Variants in THRAP3 observed in about 807,000 individuals in gnomAD.
THRAP3 encodes thyroid hormone receptor associated protein 3, also known as thyroid hormone receptor-associated protein 3.
A neutral mutation model predicts 101.0 loss-of-function variants in THRAP3; 16 were observed. That is an observed-to-expected ratio of 0.16 (90% CI 0.11 to 0.24). The LOEUF (loss-of-function observed/expected upper bound fraction) is 0.24. Ranked by LOEUF, THRAP3 falls within the 10% of genes least tolerant of loss-of-function variation. The pLI, the probability that THRAP3 is intolerant of heterozygous loss-of-function variation, is 1.00. For missense variants in THRAP3, 989 were observed against 1,202.7 expected, an observed-to-expected ratio of 0.82 and a Z score of 2.63; for synonymous variants, 407 against 422.6, an observed-to-expected ratio of 0.96 and a Z score of 0.45.
At chr1:36,240,302 G>A (rs1234599205) in intron 1 of THRAP3, among the ~76,000 whole-genome samples, 1 of 152,190 alleles carries the variant, frequency 6.6e-6, no homozygotes, top group Non-Finnish European at 1.5e-5. Context: ...CTTAGTTTGA[G>A]GTGAAAGGGC....
chr1:36,293,988 A>AT (rs1266473653), intron 8 of THRAP3, 53 bp downstream of exon 8: 1 of 1,586,726 alleles, frequency 6.3e-7, no homozygotes, highest in African/African-American at 1.3e-5. Flanking sequence ...GTTGGGCATG[A>AT]ACTTGACAGA....
Position 36,246,848 on chromosome 1 carries a change from A to AT in THRAP3, c.-134-12533dup, listed in dbSNP as rs1230943915. On this transcript the variant is annotated intron_variant, in intron 1 of 11. Coordinates refer to ENST00000354618, the MANE Select transcript of THRAP3 (RefSeq NM_005119.4). ...CAGAGTGAGACTCTGTCTCAAATAA[A>AT]TAAATAAATAAATAAATAAAATTAC... Among the ~76,000 whole-genome samples, 3 of 150,594 alleles carry AT rather than the reference A, an allele frequency of 2.0e-5. No individual in the cohort carries two copies. In the East Asian group the frequency reaches 6.2e-4, roughly 31 times the overall value.
At chr1:36,216,529 T>C in the THRAP3 span, among the ~76,000 whole-genome samples, 1 of 135,066 alleles carries the variant, frequency 7.4e-6, no homozygotes, top group Non-Finnish European at 1.5e-5. Flanking sequence ...ATGCCGGGTG[T>C]GGTGGCTCAC....
chr1:36,235,352 A>G (rs1385384954), intron 1 of THRAP3, among the ~76,000 whole-genome samples: 1 of 152,194 alleles, frequency 6.6e-6, no homozygotes, highest in Non-Finnish European at 1.5e-5. Flanking sequence ...TAAGAAGTTA[A>G]GTCTGAAAAG....
In THRAP3 at chr1:36,282,521, T is replaced by C; in HGVS notation, c.-31-12T>C. On this transcript the variant is annotated splice_polypyrimidine_tract_variant and intron_variant, in intron 2 of 11. Transcript: ENST00000354618. ...ACTCACTCATTTGTTCTAATGCATT[T>C]TCTTACATTAGGTGTAATTGAAAAG... 1.9e-6 allele frequency: 3 copies of C among 1,591,058 alleles called. No individual in the cohort carries two copies. Among genetic ancestry groups the C allele is most frequent in the Non-Finnish European group, 2.6e-6 (3 of 1,163,568 alleles).
intron 11 of THRAP3, among the ~76,000 whole-genome samples, chr1:36,303,479 C>G (rs1398159503): frequency 1.3e-5 from 2 of 152,138 alleles, no homozygotes; most frequent in Non-Finnish European, 2.9e-5. Flanking sequence ...AAATGTCTTA[C>G]TTCAGTGCTC....
chr1:36,240,893 C>G lies in THRAP3; in HGVS notation c.-135+16388C>G, dbSNP rs552386803. On this transcript the variant is annotated intron_variant, in intron 1 of 11. Transcript: ENST00000354618. ...GCAAAATAGGTAAAGTGTGCCATTTCTGTTTTTTCCTTCTTAAGATTTTTA... is the reference window on the plus strand; with the variant it reads ...GCAAAATAGGTAAAGTGTGCCATTTGTGTTTTTTCCTTCTTAAGATTTTTA... Among the ~76,000 whole-genome samples the G allele has an allele frequency of 4.6e-5, 7 of 152,216 alleles. No homozygotes were observed. The East Asian group carries it at 1.2e-3, about 25-fold the overall frequency.
chr1:36,278,399 A>AT (rs1351046344), intron 2 of THRAP3, among the ~76,000 whole-genome samples: 3 of 152,050 alleles, frequency 2.0e-5, no homozygotes, highest in Non-Finnish European at 2.9e-5. Context: ...GTAAGGATAA[A>AT]TTTTTTTAAA....
chr1:36,298,624 G>C (rs1645984561), intron 9 of THRAP3, among the ~76,000 whole-genome samples: 1 of 151,898 alleles, frequency 6.6e-6, no homozygotes, highest in Non-Finnish European at 1.5e-5. Flanking sequence ...CTTCCAACTA[G>C]GCTGAGCTAG....
the THRAP3 span, among the ~76,000 whole-genome samples, chr1:36,219,032 CAAAAAA>C: frequency 6.0e-4 from 39 of 64,710 alleles, no homozygotes; most frequent in African/African-American, 1.4e-3. Context: ...GGCTCCATCT[CAAAAAA>C]AAAAAAAAAA....
chr1:36,275,920 G>A (rs1645653738), intron 2 of THRAP3, among the ~76,000 whole-genome samples: 1 of 152,134 alleles, frequency 6.6e-6, no homozygotes. Context: ...TCAGGAGACT[G>A]GGGTGGGCGG....
At chr1:36,266,944 G>C (rs532888803) in intron 2 of THRAP3, among the ~76,000 whole-genome samples, 1 of 151,712 alleles carries the variant, frequency 6.6e-6, no homozygotes, top group Non-Finnish European at 1.5e-5. Context: ...GCAGTGGCAC[G>C]ATCTTGGCTC....
intron 3 of THRAP3, among the ~76,000 whole-genome samples, chr1:36,283,596 T>C (rs568734075): frequency 6.6e-6 from 1 of 152,014 alleles, no homozygotes; most frequent in African/African-American, 2.4e-5. Context: ...TGATTTGTCA[T>C]GTTTGACACT....
In THRAP3 at chr1:36,285,103, ACT is replaced by A. The variant is rs932828292; in HGVS notation, c.138-1264_138-1263del. Among the ~76,000 whole-genome samples, 48 of 152,202 alleles carry A rather than the reference ACT, an allele frequency of 3.2e-4. 1 individual carries two copies. Among genetic ancestry groups the A allele is most frequent in the African/African-American group, 1.2e-3 (48 of 41,456 alleles). Reference sequence around the variant, plus strand: ...TTGAATGTACTTTCTTCTTAAAAATACTGTTTTGTTTAGTTGTTAAATCCTGA... The same window carrying A: ...TTGAATGTACTTTCTTCTTAAAAATAGTTTTGTTTAGTTGTTAAATCCTGA... On this transcript the variant is annotated intron_variant, in intron 3 of 11. Coordinates refer to ENST00000354618, the MANE Select transcript of THRAP3 (RefSeq NM_005119.4).
chr1:36,258,585 C>T (rs907374553), intron 1 of THRAP3, among the ~76,000 whole-genome samples: 1 of 152,146 alleles, frequency 6.6e-6, no homozygotes, highest in Non-Finnish European at 1.5e-5. Context: ...ACGCCACTCT[C>T]CCACCTCAGC....
At chr1:36,290,723 C>T (rs1645857148) in intron 5 of THRAP3, among the ~76,000 whole-genome samples, 1 of 152,216 alleles carries the variant, frequency 6.6e-6, no homozygotes, top group Non-Finnish European at 1.5e-5. Flanking sequence ...GCCTTAGCCT[C>T]CCAAAGTGCT....
chr1:36,246,347 C>T (rs1448625693), intron 1 of THRAP3, among the ~76,000 whole-genome samples: 1 of 152,178 alleles, frequency 6.6e-6, no homozygotes, highest in African/African-American at 2.4e-5. Flanking sequence ...ATTCTCCTGC[C>T]TCAGCCTCCT....
At chr1:36,249,847 AT>A (rs1315166760) in intron 1 of THRAP3, among the ~76,000 whole-genome samples, 2 of 152,106 alleles carry the variant, frequency 1.3e-5, no homozygotes, top group Non-Finnish European at 2.9e-5. Flanking sequence ...GGGTAGAAGC[AT>A]AGGAGTCAGT....
rs188017897 is a variant in THRAP3, at chr1:36,229,451, T to C, written c.-135+4946T>C. ...TTTTTTTTTTTGAGAATAAGTAGTA[T>C]GTTTTAATGATGTGCTGTAGAAATT... On this transcript the variant is annotated intron_variant, in intron 1 of 11. Coordinates refer to ENST00000354618, the MANE Select transcript of THRAP3 (RefSeq NM_005119.4). 6.9e-4 allele frequency among the ~76,000 whole-genome samples: 103 copies of C among 149,262 alleles called. 1 individual carries two copies. In the East Asian group the frequency reaches 0.013, roughly 19 times the overall value.
Sources: allele counts gnomAD v4.1 joint callset (sites outside exome capture counted in the v4.1 genomes callset), GRCh38; gene constraint gnomAD v4.1.1; transcripts MANE v1.5; gene names NCBI Gene and HGNC (gene_info 2026-07-23, HGNC 2026-07-21).